DNAH8: variants seen among roughly 807,000 people sequenced by gnomAD.
The protein encoded by DNAH8 is dynein axonemal heavy chain 8.
Under a neutral mutation model 562.1 loss-of-function variants are expected in DNAH8, and 382 were observed. That is an observed-to-expected ratio of 0.68 (90% confidence interval 0.63 to 0.74). The LOEUF (loss-of-function observed/expected upper bound fraction) is 0.74, where lower values mean the gene tolerates loss of function less well. DNAH8 is among the 30% of genes least tolerant of loss of function. DNAH8 has a pLI of 0.00. For synonymous variants in DNAH8, 1,881 were observed against 1,919.4 expected, an observed-to-expected ratio of 0.98 and a Z score of 0.52; for missense variants, 5,203 against 5,620.4, an observed-to-expected ratio of 0.93 and a Z score of 2.37.
chr6:38,826,292 A>T lies in DNAH8; in HGVS notation c.3984A>T (p.Arg1328Ser), dbSNP rs749436834. The T allele has an allele frequency of 2.4e-5, 39 of 1,613,442 alleles. No individual in the cohort carries two copies. The highest frequency in any genetic ancestry group is 3.3e-5 in the Non-Finnish European group (39 of 1,179,734). The change falls in exon 29 of 93, where the codon AGA becomes AGT. Residue 1328 changes from arginine to serine, a missense_variant. Coordinates refer to ENST00000327475, the MANE Select transcript of DNAH8 (RefSeq NM_001206927.2). ...FINEYLKKLS[R>S]PIRDLDDVRF... is the part of the protein sequence containing the mutation. ...ATGAATACTTGAAAAAGTTATCTAG[A>T]CCTATTCGTGATTTAGATGATGTCA... is the stretch of plus-strand genomic sequence containing the variant.
intron 88 of DNAH8, among the ~76,000 whole-genome samples, chr6:38,993,352 C>T (rs1764915534): frequency 6.6e-6 from 1 of 152,096 alleles, no homozygotes; most frequent in Non-Finnish European, 1.5e-5. Context: ...TCAAAGGTCA[C>T]TTGGATTAAT....
chr6:38,993,364 A>AT (rs543483817), intron 88 of DNAH8, among the ~76,000 whole-genome samples: 28 of 151,054 alleles, frequency 1.9e-4, no homozygotes, highest in African/African-American at 5.6e-4. Context: ...TGGATTAATG[A>AT]TTTTTTTTTC....
chr6:38,786,344 AAAG>A (rs1366114657), intron 17 of DNAH8, among the ~76,000 whole-genome samples: 5 of 152,214 alleles, frequency 3.3e-5, no homozygotes. Context: ...AAGCCTCTTT[AAAG>A]AAGACAGTTT....
intron 82 of DNAH8, among the ~76,000 whole-genome samples, chr6:38,959,450 G>A (rs1251062958): frequency 5.9e-5 from 9 of 152,032 alleles, no homozygotes; most frequent in African/African-American, 1.9e-4. Flanking sequence ...CAATCTACAC[G>A]AATTAGGGTT....
At chr6:39,026,486 C>G (rs557046874) in intron 91 of DNAH8, 60 bp from the exon 92 acceptor site, 24 of 1,533,538 alleles carry the variant, frequency 1.6e-5, no homozygotes, top group Non-Finnish European at 2.1e-5. Flanking sequence ...ACATTGCTTC[C>G]TTCTTGTTTT....
intron 33 of DNAH8, among the ~76,000 whole-genome samples, chr6:38,838,274 T>A (rs1774466243): frequency 6.6e-6 from 1 of 152,202 alleles, no homozygotes; most frequent in African/African-American, 2.4e-5. Context: ...GCATGCATGG[T>A]CTATATTTAG....
At chr6:38,723,273 T>C (rs886553101) in intron 2 of DNAH8, 64 bp from the exon 3 acceptor site, 105 of 1,576,140 alleles carry the variant, frequency 6.7e-5, no homozygotes, top group Admixed American at 1.2e-4. Flanking sequence ...CTTTACAAAG[T>C]ATGAAACAGT....
rs566523484 is a variant in DNAH8 at position 38,925,821 on chromosome 6, C to T, written c.10963-234C>T. On this transcript the variant is annotated intron_variant, in intron 73 of 92. Transcript: ENST00000327475. ...GAAAATACAATGCAAAAGGATAAAC[C>T]TTGTCTTGGGTAATTAAAGAAGGGA... Among the ~76,000 whole-genome samples, 602 of 151,918 alleles carry T rather than the reference C, an allele frequency of 4.0e-3. 4 individuals are homozygous for T. The highest frequency in any genetic ancestry group is 0.014 in the African/African-American group (568 of 41,422).
chr6:38,862,320 G>A lies in DNAH8; in HGVS notation c.6172G>A (p.Gly2058Arg), dbSNP rs1413407899. ...AGCTCAGGCCTTGGGCATGAACATG[G>A]GAGGTGCTCCCGCAGGACCTGCTGG... ...TLAQALGMNMGGAPAGPAGTG... is the reference protein window; with the variant it reads ...TLAQALGMNMRGAPAGPAGTG... Residue 2058 changes from glycine to arginine, a missense_variant, in exon 44 of 93, where the codon GGA (glycine) becomes AGA (arginine). Physicochemically the swap from Gly to Arg is moderately radical, Grantham distance 125. This residue lies in a region of DNAH8 where 2,176 missense variants were observed against 2,365.1 expected (regional missense o/e 0.92). Transcript: ENST00000327475. 6 of 1,613,952 alleles carry A rather than the reference G, an allele frequency of 3.7e-6. No homozygotes were observed. The highest frequency in any genetic ancestry group is 1.1e-5 in the South Asian group (1 of 91,066).
intron 21 of DNAH8, among the ~76,000 whole-genome samples, chr6:38,799,325 C>T (rs1770570893): frequency 6.6e-6 from 1 of 152,064 alleles, no homozygotes; most frequent in African/African-American, 2.4e-5. Flanking sequence ...CCATGCCTAC[C>T]TGTCTTCTCG....
chr6:39,021,842 A>T, intron 91 of DNAH8, among the ~76,000 whole-genome samples: 1 of 152,252 alleles, frequency 6.6e-6, no homozygotes, highest in Admixed American at 6.5e-5. Flanking sequence ...ACAAAATGCC[A>T]ACCAACTCCT....
chr6:38,995,275 C>T (rs1247926719), intron 88 of DNAH8, among the ~76,000 whole-genome samples: 7 of 152,042 alleles, frequency 4.6e-5, no homozygotes, highest in East Asian at 1.9e-4. Flanking sequence ...CCACTGGGTT[C>T]GGAGGTATTA....
chr6:38,916,082 T>A (rs1200787780), intron 68 of DNAH8, among the ~76,000 whole-genome samples: 1 of 152,162 alleles, frequency 6.6e-6, no homozygotes, highest in Non-Finnish European at 1.5e-5. Context: ...TAAAATTAAT[T>A]AATACAAAAT....
At chr6:38,926,732 C>A (rs1310175080) in intron 74 of DNAH8, among the ~76,000 whole-genome samples, 2 of 152,076 alleles carry the variant, frequency 1.3e-5, no homozygotes, top group Non-Finnish European at 2.9e-5. Context: ...TTCAGTGTTT[C>A]CTAGACACTG....
At chr6:38,926,525 C>T (rs539686757) in intron 74 of DNAH8, among the ~76,000 whole-genome samples, 2 of 152,254 alleles carry the variant, frequency 1.3e-5, no homozygotes, top group South Asian at 4.1e-4. Flanking sequence ...ATTGTGATCC[C>T]TCAGTTCAAG....
rs779924521 is a variant in DNAH8, at chr6:38,860,642, G to C, written c.6131+13G>C. 1 of 1,471,070 alleles carries C rather than the reference G, an allele frequency of 6.8e-7. No homozygotes were observed. Among genetic ancestry groups the C allele is most frequent in the Non-Finnish European group, 8.9e-7 (1 of 1,119,224 alleles). The allele number at this position is 1,471,070 out of a possible 1,614,324, so 91.1% of individuals were successfully genotyped here. A position where few individuals can be genotyped will look rare whatever the true frequency, so the allele number is the denominator to read the frequency against. ...CATTAACAGATAGGTAGGAAACCCA[G>C]TTTTCGTTTTTTATTTTGTAATTTT... On this transcript the variant is annotated intron_variant, in intron 43 of 92. Coordinates refer to ENST00000327475, the MANE Select transcript of DNAH8 (RefSeq NM_001206927.2).
intron 4 of DNAH8, 146 bp from the exon 5 acceptor site, chr6:38,734,326 ACC>A (rs35685371): frequency 7.5e-5 from 34 of 451,068 alleles, no homozygotes; most frequent in Admixed American, 1.1e-4. Context: ...CTTCTAGTAG[ACC>A]CCCCCCCAAA....
At chr6:38,944,786 G>C (rs761336288) in intron 79 of DNAH8, among the ~76,000 whole-genome samples, 3 of 152,158 alleles carry the variant, frequency 2.0e-5, no homozygotes, top group Admixed American at 6.5e-5. Context: ...AACACCTGGA[G>C]GGCGCTCAAT....
At chr6:38,972,877 C>T (rs890460219) in intron 83 of DNAH8, among the ~76,000 whole-genome samples, 11 of 152,138 alleles carry the variant, frequency 7.2e-5, no homozygotes, top group African/African-American at 1.9e-4. Flanking sequence ...GTTGTATAGA[C>T]GGCACATCCC....
Sources: gnomAD v4.1 joint callset for allele counts (sites outside exome capture counted in the v4.1 genomes callset) on GRCh38, gnomAD v4.1.1 for gene constraint, gnomAD v4.1.1 regional missense constraint, MANE v1.5 for transcripts, NCBI Gene and HGNC (gene_info 2026-07-23, HGNC 2026-07-21) for gene names.